OPN3: variants seen among roughly 807,000 people sequenced by gnomAD.
OPN3 encodes opsin-3.
A neutral mutation model predicts 33.8 loss-of-function variants in OPN3; 29 were observed. The ratio of observed to expected loss-of-function variants is 0.86; its 90% CI spans 0.64 to 1.17. OPN3 has a LOEUF of 1.17. Among genes scored for constraint, OPN3 ranks in the 50% most tolerant of loss-of-function variants. OPN3 has a pLI of 0.00. For missense variants in OPN3, 437 were observed against 514.1 expected (o/e 0.85, Z 1.45); for synonymous variants, 216 against 216.1 (o/e 1.00, Z 0.00).
chr1:241,631,652 T>A (rs544630628), intron 1 of OPN3: 1 of 152,312 alleles, frequency 6.6e-6, no homozygotes, highest in South Asian at 2.1e-4. Context: ...TAATATTTTT[T>A]GTAACACAAT....
At chr1:241,624,007 C>G (rs1664337398) in intron 1 of OPN3, among the ~76,000 whole-genome samples, 1 of 151,982 alleles carries the variant, frequency 6.6e-6, no homozygotes, top group Admixed American at 6.6e-5. Flanking sequence ...GCCAGGCACT[C>G]TATGCTCCAG....
chr1:241,598,036 A>G (rs1663581547), intron 2 of OPN3, 39 bp from the exon 3 acceptor site: 1 of 1,593,232 alleles, frequency 6.3e-7, no homozygotes. Context: ...CTTAAAAAAC[A>G]AAAGAAGGGT....
chr1:241,628,973 A>C (rs747541821), intron 1 of OPN3: 1 of 152,710 alleles, frequency 6.5e-6, no homozygotes, highest in Admixed American at 6.5e-5. Flanking sequence ...GATTCTTTTC[A>C]ATGTAGACCT....
At chr1:241,626,671 G>A (rs1205956041) in intron 1 of OPN3, among the ~76,000 whole-genome samples, 8 of 152,050 alleles carry the variant, frequency 5.3e-5, no homozygotes, top group African/African-American at 7.2e-5. Flanking sequence ...GGTTACACAA[G>A]CTTTAACTGT....
intron 1 of OPN3, among the ~76,000 whole-genome samples, chr1:241,612,743 G>A (rs1208900788): frequency 6.6e-6 from 1 of 152,154 alleles, no homozygotes; most frequent in Non-Finnish European, 1.5e-5. Flanking sequence ...ACGTACCAGT[G>A]AAACTACTGA....
intron 1 of OPN3, among the ~76,000 whole-genome samples, chr1:241,609,589 A>G (rs1663933346): frequency 6.6e-6 from 1 of 152,252 alleles, no homozygotes. Context: ...CTGTATTTTT[A>G]TATCACACAC....
chr1:241,613,601 A>G (rs1664051639), intron 1 of OPN3, among the ~76,000 whole-genome samples: 1 of 152,218 alleles, frequency 6.6e-6, no homozygotes, highest in African/African-American at 2.4e-5. Flanking sequence ...CTTAAATTGA[A>G]GAATTTTAGA....
chr1:241,599,193 A>G (rs1297108349), intron 2 of OPN3, among the ~76,000 whole-genome samples: 3 of 152,096 alleles, frequency 2.0e-5, no homozygotes, highest in Non-Finnish European at 4.4e-5. Context: ...TGATTTTTTT[A>G]GGGTAGAGAG....
chr1:241,610,291 A>G, intron 1 of OPN3, among the ~76,000 whole-genome samples: 1 of 152,230 alleles, frequency 6.6e-6, no homozygotes, highest in East Asian at 1.9e-4. Context: ...ACAGATGTGT[A>G]AACAAACAAT....
At chr1:241,608,461 A>C (rs945905592) in intron 1 of OPN3, among the ~76,000 whole-genome samples, 2 of 152,240 alleles carry the variant, frequency 1.3e-5, no homozygotes, top group African/African-American at 4.8e-5. Flanking sequence ...CAATAAAAAA[A>C]CAAATCAAAC....
chr1:241,631,481 G>A (rs1664630888), intron 1 of OPN3: 1 of 151,652 alleles, frequency 6.6e-6, no homozygotes, highest in African/African-American at 2.4e-5. Flanking sequence ...TAAACTTTAG[G>A]ATAAAGTTTA....
Position 241,597,859 on chromosome 1 carries a change from C to G in OPN3, c.832G>C (p.Val278Leu). ...ACCAGGTGACCATGACCATTAACCA[C>G]CAAGAAGCAGATCACGATATAAGGC... is the stretch of plus-strand genomic sequence containing the variant. ...WMPYIVICFLVVNGHGHLVTP... is the reference protein window; with the variant it reads ...WMPYIVICFLLVNGHGHLVTP... The change falls in exon 3 of 4, where the codon GTG (valine) becomes CTG (leucine). Residue 278 changes from valine (V) to leucine (L), a missense_variant. Physicochemically the swap from Val to Leu is conservative, Grantham distance 32. Transcript: ENST00000366554. 6.2e-7 allele frequency: 1 copy of G among 1,613,774 alleles called. No individual in the cohort carries two copies. The highest frequency in any genetic ancestry group is 8.5e-7 in the Non-Finnish European group (1 of 1,179,942).
At chr1:241,636,236 G>A (rs631143) in intron 1 of OPN3, among the ~76,000 whole-genome samples, 103,023 of 152,104 alleles carry the variant, frequency 0.68, 35,120 homozygotes, top group East Asian at 0.78. Flanking sequence ...AATTTCTTGA[G>A]AATGGACAAT....
chr1:241,634,234 T>C (rs1558447387), intron 1 of OPN3: 3 of 1,613,970 alleles, frequency 1.9e-6, no homozygotes, highest in East Asian at 2.2e-5. Flanking sequence ...AAGATGAACA[T>C]GTCAAATGTA....
rs2147995910 is a variant in OPN3, at chr1:241,597,851, A to G, written c.840T>C (p.Asn280=). 4 of 1,614,022 alleles carry G rather than the reference A, an allele frequency of 2.5e-6. No individual in the cohort carries two copies. Among genetic ancestry groups the G allele is most frequent in the South Asian group, 1.1e-5 (1 of 91,086 alleles). ...PYIVICFLVV[N]GHGHLVTPTI... ...TTGGAGTGACCAGGTGACCATGACC[A>G]TTAACCACCAAGAAGCAGATCACGA... The change falls in exon 3 of 4, where the codon AAT becomes AAC. Residue 280 remains asparagine, a synonymous_variant. Transcript: ENST00000366554.
intron 1 of OPN3, among the ~76,000 whole-genome samples, chr1:241,618,470 C>T (rs1189628947): frequency 1.3e-5 from 2 of 152,220 alleles, no homozygotes; most frequent in Non-Finnish European, 2.9e-5. Context: ...TTAATATAAT[C>T]TCTATCACTA....
chr1:241,623,647 C>CA (rs1664328110), intron 1 of OPN3, among the ~76,000 whole-genome samples: 1 of 152,156 alleles, frequency 6.6e-6, no homozygotes, highest in African/African-American at 2.4e-5. Flanking sequence ...ATTCAGACAC[C>CA]AAAACTGAAA....
intron 1 of OPN3, among the ~76,000 whole-genome samples, chr1:241,617,369 G>A (rs1408939206): frequency 6.6e-6 from 1 of 152,170 alleles, no homozygotes; most frequent in Non-Finnish European, 1.5e-5. Flanking sequence ...ATAGCTCTGT[G>A]ACCTGCAATG....
intron 1 of OPN3, among the ~76,000 whole-genome samples, chr1:241,610,538 G>A (rs1199513342): frequency 6.6e-6 from 1 of 152,192 alleles, no homozygotes; most frequent in African/African-American, 2.4e-5. Flanking sequence ...TCTACTCTGT[G>A]CATCAGTTTG....
Sources: gnomAD v4.1 joint callset for allele counts (sites outside exome capture counted in the v4.1 genomes callset) on GRCh38, gnomAD v4.1.1 for gene constraint, MANE v1.5 for transcripts, NCBI Gene and HGNC (gene_info 2026-07-23, HGNC 2026-07-21) for gene names.